PPFIA3: variants seen among roughly 807,000 people sequenced by gnomAD.
The protein encoded by PPFIA3 is PPFI scaffold protein A3, also known as liprin-alpha-3.
PPFIA3 carries 26 observed loss-of-function variants against 145.8 expected under a neutral mutation model. The observed-to-expected ratio is 0.18, with a 90% confidence interval of 0.13 to 0.25. The LOEUF is 0.25. Among genes scored for constraint, PPFIA3 ranks in the 10% least tolerant of loss-of-function variants. The pLI is 1.00. For synonymous variants in PPFIA3, 645 were observed against 661.4 expected (o/e 0.98, Z 0.38); for missense variants, 1,008 against 1,587.8 (o/e 0.63, Z 6.21).
intron 1 of PPFIA3, among the ~76,000 whole-genome samples, chr19:49,121,652 T>C (rs1234523305): frequency 1.3e-5 from 2 of 152,012 alleles, no homozygotes; most frequent in African/African-American, 4.8e-5. Context: ...GGCACATGCC[T>C]GTAATCCCAG....
chr19:49,139,067 A>G (rs552210360), intron 16 of PPFIA3, among the ~76,000 whole-genome samples: 4 of 152,018 alleles, frequency 2.6e-5, no homozygotes, highest in African/African-American at 9.7e-5. Context: ...TATTGGCCCT[A>G]TTTTACTCCC....
chr19:49,140,124 C>T (rs2041200127), intron 18 of PPFIA3, 36 bp downstream of exon 18: 1 of 1,590,526 alleles, frequency 6.3e-7, no homozygotes, highest in Non-Finnish European at 8.6e-7. Context: ...CTCCTTTGTT[C>T]CTTCCTCCCT....
At chr19:49,121,763 C>T (rs903000882) in intron 1 of PPFIA3, among the ~76,000 whole-genome samples, 5 of 151,920 alleles carry the variant, frequency 3.3e-5, no homozygotes, top group East Asian at 1.9e-4. Flanking sequence ...ACGACAAGAG[C>T]GAAACTCTGT....
In PPFIA3 at chr19:49,141,522, G is replaced by A; in HGVS notation, c.2462+9G>A. The A allele has an allele frequency of 6.2e-7, 1 of 1,607,314 alleles. No individual in the cohort carries two copies. Among genetic ancestry groups the A allele is most frequent in the Non-Finnish European group, 8.5e-7 (1 of 1,174,010 alleles). On this transcript the variant is annotated intron_variant, in intron 19 of 29. Transcript: ENST00000334186. Reference sequence around the variant, plus strand: ...CGAAGGAACAAGAGGAAGTGAGTGTGTGTGAGTGTGAGCGTGTGTGTGTGT... The same window carrying A: ...CGAAGGAACAAGAGGAAGTGAGTGTATGTGAGTGTGAGCGTGTGTGTGTGT...
intron 19 of PPFIA3, among the ~76,000 whole-genome samples, 193 bp downstream of exon 19, chr19:49,141,706 C>T (rs868608121): frequency 2.6e-5 from 4 of 151,826 alleles, no homozygotes; most frequent in Non-Finnish European, 4.4e-5. Flanking sequence ...TGATCCTGAA[C>T]TTGCTTGCCT....
At chr19:49,145,413 C>T (rs4802575) in intron 21 of PPFIA3, among the ~76,000 whole-genome samples, 8,278 of 152,240 alleles carry the variant, frequency 0.054, 435 homozygotes, top group Admixed American at 0.16. Context: ...AAAATATGTT[C>T]ATTGTTTCTC....
chr19:49,126,762 T>C (rs887930030), intron 1 of PPFIA3, among the ~76,000 whole-genome samples: 1 of 151,998 alleles, frequency 6.6e-6, no homozygotes, highest in Non-Finnish European at 1.5e-5. Context: ...TCTTAAGGCA[T>C]GGTTCTGGTC....
At position 49,149,532 on chromosome 19, in the gene PPFIA3, G is replaced by T. The variant is rs1395135001; in HGVS notation, c.3355-15G>T. Reference sequence around the variant, plus strand: ...GGCAGGAGTCCCTCACCGGCTGTCCGGCTCCTATACCTAGGACAGCGCCAA... The same window carrying T: ...GGCAGGAGTCCCTCACCGGCTGTCCTGCTCCTATACCTAGGACAGCGCCAA... On this transcript the variant is annotated splice_polypyrimidine_tract_variant and intron_variant, in intron 27 of 29. Coordinates refer to ENST00000334186, the MANE Select transcript of PPFIA3 (RefSeq NM_003660.4). This position sits in a 1 kb window ranked among gnomAD's most constrained non-coding sequence, Gnocchi z 5.7. 8.7e-6 allele frequency: 14 copies of T among 1,613,810 alleles called. No homozygotes were observed. The highest frequency in any genetic ancestry group is 1.0e-5 in the Non-Finnish European group (12 of 1,179,954).
chr19:49,122,503 G>T (rs540704622), intron 1 of PPFIA3, among the ~76,000 whole-genome samples: 9 of 152,210 alleles, frequency 5.9e-5, no homozygotes, highest in African/African-American at 2.2e-4. Flanking sequence ...TTCATTTCAA[G>T]TGTGTTCCAG....
chr19:49,148,609 G>C, intron 24 of PPFIA3, 57 bp from the exon 25 acceptor site: 1 of 1,362,194 alleles, frequency 7.3e-7, no homozygotes, highest in Non-Finnish European at 1.0e-6. Context: ...ACCCGTAGGA[G>C]CAGCAGTCTA....
At chr19:49,146,878 C>T (rs1425612218) in intron 23 of PPFIA3, among the ~76,000 whole-genome samples, 5 of 151,874 alleles carry the variant, frequency 3.3e-5, no homozygotes, top group South Asian at 4.2e-4. Flanking sequence ...TGCACTGAGC[C>T]GAGATTGCAC....
rs1162028082 is a variant in PPFIA3 at position 49,150,324 on chromosome 19, G to T, written c.*102G>T. 3.0e-6 allele frequency: 2 copies of T among 664,776 alleles called. No homozygotes were observed. Among genetic ancestry groups the T allele is most frequent in the Non-Finnish European group, 5.0e-6 (2 of 399,764 alleles). 41.2% of individuals were successfully genotyped at this position (664,776 alleles called of 1,614,324 possible). On this transcript the variant is annotated 3_prime_UTR_variant, in exon 30 of 30. Coordinates refer to ENST00000334186, the MANE Select transcript of PPFIA3 (RefSeq NM_003660.4). ...TGGCCTCGCCGGGGAGAGCGGGCGGGGGAGCTCGCGCCGAGGACTGGACCA... is the reference window on the plus strand; with the variant it reads ...TGGCCTCGCCGGGGAGAGCGGGCGGTGGAGCTCGCGCCGAGGACTGGACCA...
chr19:49,147,791 C>T (rs1701019717), intron 23 of PPFIA3, among the ~76,000 whole-genome samples: 2 of 151,838 alleles, frequency 1.3e-5, no homozygotes, highest in Non-Finnish European at 1.5e-5. Flanking sequence ...ATGCCGATAC[C>T]GACTTCAGTA....
Position 49,149,236 on chromosome 19 carries a change from C to T in PPFIA3, c.3286-21C>T. ...TCGCAGACTGCACGCTCCAACCGCCCCCTCCACCTCCTCTTTCCAGGCCCG... is the reference window on the plus strand; with the variant it reads ...TCGCAGACTGCACGCTCCAACCGCCTCCTCCACCTCCTCTTTCCAGGCCCG... On this transcript the variant is annotated intron_variant, in intron 26 of 29. Transcript: ENST00000334186. The surrounding 1 kb of genome is among the most constrained non-coding windows in gnomAD (Gnocchi z 5.7). 1 of 1,614,178 alleles carries T rather than the reference C, an allele frequency of 6.2e-7. No individual in the cohort carries two copies.
intron 23 of PPFIA3, chr19:49,146,426 T>C (rs1327086980): frequency 3.4e-6 from 2 of 595,498 alleles, no homozygotes; most frequent in Non-Finnish European, 5.9e-6. Flanking sequence ...CATGGACCAT[T>C]TCATCATCGT....
chr19:49,140,324 CTTAT>C (rs1210924973), intron 18 of PPFIA3, among the ~76,000 whole-genome samples: 2 of 152,106 alleles, frequency 1.3e-5, no homozygotes, highest in East Asian at 3.9e-4. Context: ...ATTTCCTTTA[CTTAT>C]TTTTTTGTTG....
intron 17 of PPFIA3, 37 bp downstream of exon 17, chr19:49,139,868 G>T: frequency 6.2e-7 from 1 of 1,610,790 alleles, no homozygotes; most frequent in Non-Finnish European, 8.5e-7. Context: ...GGGAGAAGCT[G>T]GCTTGGGAAG....
In PPFIA3 at chr19:49,136,758, C is replaced by T. The variant is rs2041142748; in HGVS notation, c.1700C>T (p.Pro567Leu). ...WERSAPAGSI[P>L]PPFPGELDGS... Reference sequence around the variant, plus strand: ...CGGTCTGCCCCTGCGGGCTCCATACCACCCCCATTCCCTGGGGAACTGGAC... The same window carrying T: ...CGGTCTGCCCCTGCGGGCTCCATACTACCCCCATTCCCTGGGGAACTGGAC... Residue 567 changes from proline to leucine, a missense_variant, in exon 15 of 30, where the codon CCA (proline) becomes CTA (leucine). Transcript: ENST00000334186. 24 of 1,572,770 alleles carry T rather than the reference C, an allele frequency of 1.5e-5. No individual in the cohort carries two copies. Among genetic ancestry groups the T allele is most frequent in the Non-Finnish European group, 1.9e-5 (22 of 1,157,510 alleles).
At chr19:49,131,217 G>A (rs189734108) in intron 7 of PPFIA3, among the ~76,000 whole-genome samples, 46 of 137,026 alleles carry the variant, frequency 3.4e-4, no homozygotes, top group African/African-American at 1.1e-3. Flanking sequence ...CGCCCAGGCT[G>A]GAGTGCAGTG....
Sources: allele counts gnomAD v4.1 joint callset (sites outside exome capture counted in the v4.1 genomes callset), GRCh38; gene constraint gnomAD v4.1.1; non-coding constraint Gnocchi (gnomAD v3.1); transcripts MANE v1.5; gene names NCBI Gene and HGNC (gene_info 2026-07-23, HGNC 2026-07-21).